Variants in SGIP1 observed in about 807,000 individuals in gnomAD.
The protein encoded by SGIP1 is SH3-containing GRB2-like protein 3-interacting protein 1.
In SGIP1, 38 loss-of-function variants were observed where a neutral mutation model predicts 107.5. The observed-to-expected ratio is 0.35, with a 90% confidence interval of 0.27 to 0.46. SGIP1 has a LOEUF of 0.46. Among genes scored for constraint, SGIP1 ranks in the 20% least tolerant of loss-of-function variants. The pLI is 1.00. For synonymous variants in SGIP1, 365 were observed against 366.1 expected, an observed-to-expected ratio of 1.00 and a Z score of 0.03; for missense variants, 929 against 1,019.5, an observed-to-expected ratio of 0.91 and a Z score of 1.21.
chr1:66,588,638 CTTTTTTTTT>C (rs35096597), intron 1 of SGIP1, among the ~76,000 whole-genome samples: 2 of 98,668 alleles, frequency 2.0e-5, no homozygotes, highest in Admixed American at 1.1e-4. Flanking sequence ...CTAGTTAGTT[CTTTTTTTTT>C]TTTTTTTTTT....
intron 1 of SGIP1, among the ~76,000 whole-genome samples, chr1:66,544,366 T>C (rs972059847): frequency 6.6e-6 from 1 of 152,154 alleles, no homozygotes; most frequent in African/African-American, 2.4e-5. Flanking sequence ...ACAAGCAGTT[T>C]CCCAAAGTTG....
chr1:66,569,918 A>G (rs1016431279), intron 1 of SGIP1, among the ~76,000 whole-genome samples: 6 of 151,808 alleles, frequency 4.0e-5, no homozygotes, highest in Admixed American at 1.3e-4. Context: ...AGACTTATTC[A>G]AATTGTCTGT....
chr1:66,740,612 A>C, intron 22 of SGIP1, 46 bp from the exon 23 acceptor site: 2 of 1,321,838 alleles, frequency 1.5e-6, no homozygotes, highest in Non-Finnish European at 2.1e-6. Context: ...TCCAGTAAAC[A>C]AAAACTCTTG....
chr1:66,694,640 T>C, intron 17 of SGIP1: 1 of 564,096 alleles, frequency 1.8e-6, no homozygotes, highest in East Asian at 3.4e-5. Context: ...ACCCTGTATA[T>C]TTACTGTTCA....
chr1:66,539,634 A>C (rs1055494597), intron 1 of SGIP1, among the ~76,000 whole-genome samples: 5 of 152,014 alleles, frequency 3.3e-5, no homozygotes, highest in Admixed American at 6.5e-5. Context: ...CAAATACTTC[A>C]CTCACACTGA....
At chr1:66,673,415 A>G (rs924287516) in intron 12 of SGIP1, 49 bp downstream of exon 12, 1 of 1,454,136 alleles carries the variant, frequency 6.9e-7, no homozygotes. Flanking sequence ...TCTTTTATTA[A>G]AGTACAACTC....
intron 21 of SGIP1, among the ~76,000 whole-genome samples, chr1:66,737,377 T>A (rs1174475684): frequency 6.6e-6 from 1 of 152,192 alleles, no homozygotes; most frequent in Non-Finnish European, 1.5e-5. Context: ...TATTGCAGTA[T>A]GAGCTTTGTG....
rs372902905 is a variant in SGIP1, at chr1:66,635,959, G to A, written c.115G>A (p.Glu39Lys). The A allele has an allele frequency of 1.2e-5, 20 of 1,613,594 alleles. No homozygotes were observed. The African/African-American group carries it at 1.7e-4, about 14-fold the overall frequency. The change falls in exon 4 of 25, where the codon GAA (glutamate) becomes AAA (lysine). Residue 39 changes from glutamate to lysine, a missense_variant. Transcript: ENST00000371037. ...TCAATTCCAGCAGCCCAGCCCACAC[G>A]AACCACCCTACAATAGCAAAGCAGA... is the stretch of plus-strand genomic sequence containing the variant. Reference protein sequence around the residue: ...DRDGIQPSPHEPPYNSKAECA... With the variant: ...DRDGIQPSPHKPPYNSKAECA...
chr1:66,736,288 ATAT>A (rs1413075623), intron 21 of SGIP1, among the ~76,000 whole-genome samples: 9 of 146,554 alleles, frequency 6.1e-5, no homozygotes, highest in Non-Finnish European at 9.0e-5. Flanking sequence ...ATAGTTTAAA[ATAT>A]TATATAAAAT....
At chr1:66,629,873 T>C (rs532667494) in intron 2 of SGIP1, among the ~76,000 whole-genome samples, 1 of 152,350 alleles carries the variant, frequency 6.6e-6, no homozygotes, top group African/African-American at 2.4e-5. Context: ...TACTATGTTC[T>C]AGAGACTGTC....
intron 2 of SGIP1, among the ~76,000 whole-genome samples, chr1:66,627,406 AG>A (rs2073116627): frequency 6.6e-6 from 1 of 152,168 alleles, no homozygotes; most frequent in Admixed American, 6.6e-5. Context: ...TTGGGGTTAC[AG>A]GTAAATGTGA....
At position 66,584,839 on chromosome 1, in the gene SGIP1, C is replaced by T. The variant is rs562197403; in HGVS notation, c.11-41008C>T. ...ATGATAGATGAACATGTGGGGATTTCTTTCCTGGTGCTTAGTGTTTTCCTG... is the reference window on the plus strand; with the variant it reads ...ATGATAGATGAACATGTGGGGATTTTTTTCCTGGTGCTTAGTGTTTTCCTG... On this transcript the variant is annotated intron_variant, in intron 1 of 24. Coordinates refer to ENST00000371037, the MANE Select transcript of SGIP1 (RefSeq NM_032291.4). Among the ~76,000 whole-genome samples, 5 of 152,290 alleles carry T rather than the reference C, an allele frequency of 3.3e-5. No homozygotes were observed. In the East Asian group the frequency reaches 9.6e-4, roughly 29 times the overall value.
intron 1 of SGIP1, among the ~76,000 whole-genome samples, chr1:66,606,324 A>C (rs749357829): frequency 7.2e-5 from 11 of 152,220 alleles, no homozygotes; most frequent in Non-Finnish European, 1.6e-4. Context: ...AATAATTAGC[A>C]CACAGTAGGA....
chr1:66,678,246 T>C (rs1571695826), intron 13 of SGIP1, among the ~76,000 whole-genome samples: 2 of 152,336 alleles, frequency 1.3e-5, no homozygotes, highest in East Asian at 3.9e-4. Flanking sequence ...ATGCAAGTGA[T>C]CCCTAGAAAA....
chr1:66,591,359 GTGA>G (rs1177525575), intron 1 of SGIP1, among the ~76,000 whole-genome samples: 1 of 152,162 alleles, frequency 6.6e-6, no homozygotes, highest in Non-Finnish European at 1.5e-5. Flanking sequence ...AATGATCTAG[GTGA>G]TGAACACAGA....
intron 1 of SGIP1, among the ~76,000 whole-genome samples, chr1:66,585,679 A>G (rs1039899609): frequency 6.6e-6 from 1 of 151,886 alleles, no homozygotes; most frequent in East Asian, 1.9e-4. Flanking sequence ...CAGTAGAAAC[A>G]GGGTTTCGTC....
chr1:66,675,508 TC>T, intron 12 of SGIP1, among the ~76,000 whole-genome samples: 1 of 150,944 alleles, frequency 6.6e-6, no homozygotes, highest in Admixed American at 6.6e-5. Flanking sequence ...TTTCTGTCTT[TC>T]TTTTTCGTTG....
intron 7 of SGIP1, among the ~76,000 whole-genome samples, chr1:66,659,944 G>T (rs1268005673): frequency 2.7e-5 from 1 of 37,270 alleles, no homozygotes; most frequent in African/African-American, 1.5e-4. Flanking sequence ...GAAAGAAAAA[G>T]AAAGAAAAAG....
intron 7 of SGIP1, among the ~76,000 whole-genome samples, chr1:66,659,382 A>G (rs1008843013): frequency 2.6e-5 from 4 of 152,158 alleles, no homozygotes; most frequent in African/African-American, 9.7e-5. Context: ...AGAATAGGGG[A>G]AAATTAAGGA....
Sources: gnomAD v4.1 joint callset for allele counts (sites outside exome capture counted in the v4.1 genomes callset) on GRCh38, gnomAD v4.1.1 for gene constraint, MANE v1.5 for transcripts, NCBI Gene and HGNC (gene_info 2026-07-23, HGNC 2026-07-21) for gene names.